The following SHROOM2 variants were observed in gnomAD, a reference collection of about 807,000 sequenced individuals.
The protein encoded by SHROOM2 is shroom family member 2.
Under a neutral mutation model 75.9 loss-of-function variants are expected in SHROOM2, and 33 were observed. That is an observed-to-expected ratio of 0.43 (90% confidence interval 0.33 to 0.58). The LOEUF (loss-of-function observed/expected upper bound fraction) is 0.58. SHROOM2 is among the 20% of genes least tolerant of loss of function. The pLI, the probability that SHROOM2 is intolerant of heterozygous loss-of-function variation, is 0.04. For missense variants in SHROOM2, 1,434 were observed against 1,461.2 expected (o/e 0.98, Z 0.30); for synonymous variants, 655 against 663.6 (o/e 0.99, Z 0.20).
At chrX:9,914,651 C>G (rs887693099) in intron 5 of SHROOM2, among the ~76,000 whole-genome samples, 1 of 111,368 alleles carries the variant, frequency 9.0e-6, no homozygotes, top group African/African-American at 3.3e-5. Flanking sequence ...ACATATTTGC[C>G]GACACCTTAT....
At chrX:9,804,949 TAGC>T (rs1470429653) in intron 1 of SHROOM2, among the ~76,000 whole-genome samples, 1 of 110,711 alleles carries the variant, frequency 9.0e-6, no homozygotes, top group African/African-American at 3.3e-5. Flanking sequence ...AGAATCCACA[TAGC>T]AGCCAGGCAC....
intron 5 of SHROOM2, among the ~76,000 whole-genome samples, chrX:9,910,697 A>G (rs2084418660): frequency 9.1e-6 from 1 of 110,205 alleles, no homozygotes; most frequent in South Asian, 3.9e-4. Context: ...TGCACCTGTA[A>G]TCTCAGCTAC....
At chrX:9,911,132 G>C (rs1473433899) in intron 5 of SHROOM2, among the ~76,000 whole-genome samples, 1 of 111,637 alleles carries the variant, frequency 9.0e-6, no homozygotes, top group Non-Finnish European at 1.9e-5. Context: ...AAAGTAATAC[G>C]TGAAGATGAA....
At chrX:9,868,727 C>CCTT (rs2084155078) in intron 1 of SHROOM2, among the ~76,000 whole-genome samples, 1 of 28,706 alleles carries the variant, frequency 3.5e-5, no homozygotes, top group African/African-American at 1.5e-4. Context: ...ATTTTTTACC[C>CCTT]TTTTTTTTTT....
At chrX:9,840,003 C>T (rs2083971334) in intron 1 of SHROOM2, among the ~76,000 whole-genome samples, 1 of 111,728 alleles carries the variant, frequency 9.0e-6, no homozygotes, top group Non-Finnish European at 1.9e-5. Flanking sequence ...ATCACTTTAT[C>T]ATGGATGGGA....
At chrX:9,894,248 G>A in intron 3 of SHROOM2, 110 bp from the exon 4 acceptor site, 1 of 732,180 alleles carries the variant, frequency 1.4e-6, no homozygotes, top group Non-Finnish European at 2.0e-6. Context: ...GGAAATTACT[G>A]TTTGGCATTT....
chrX:9,828,795 C>T (rs2083901231), intron 1 of SHROOM2, among the ~76,000 whole-genome samples: 1 of 111,566 alleles, frequency 9.0e-6, no homozygotes, highest in Non-Finnish European at 1.9e-5. Context: ...CTATCTGTCT[C>T]TTCATCCACA....
intron 5 of SHROOM2, among the ~76,000 whole-genome samples, chrX:9,908,090 A>G (rs2084401369): frequency 8.9e-6 from 1 of 112,866 alleles, no homozygotes; most frequent in Non-Finnish European, 1.9e-5. Flanking sequence ...ATCTTGCAAC[A>G]TGATATCCAT....
rs56344026 is a variant in SHROOM2 at position 9,927,356 on chromosome X, C to CAAA, written c.2892-4788_2892-4786dup. On this transcript the variant is annotated intron_variant, in intron 5 of 9. Transcript: ENST00000380913. ...AACAGCAAGACCCTATCTCTGTCTC[C>CAAA]AAAAAAAAAAAAAAAAAAAAAAAAA... Among the ~76,000 whole-genome samples the CAAA allele has an allele frequency of 2.5e-3, 60 of 24,398 alleles. 1 individual carries two copies. Among genetic ancestry groups the CAAA allele is most frequent in the South Asian group, 0.02 (2 of 102 alleles). The allele number at this position is 24,398 out of a possible 115,157, so 21.2% of individuals were successfully genotyped here. A position where few individuals can be genotyped will look rare whatever the true frequency, so the allele number is the denominator to read the frequency against.
intron 1 of SHROOM2, among the ~76,000 whole-genome samples, chrX:9,833,166 G>A (rs2083925007): frequency 8.9e-6 from 1 of 111,916 alleles, no homozygotes; most frequent in South Asian, 3.8e-4. Context: ...GCATCCCTGA[G>A]CCCCTTCACT....
intron 2 of SHROOM2, among the ~76,000 whole-genome samples, chrX:9,887,304 C>G (rs909930703): frequency 2.7e-5 from 3 of 111,928 alleles, no homozygotes; most frequent in African/African-American, 6.5e-5. Context: ...GTTCTGCAAA[C>G]TGAAGCTTTG....
chrX:9,865,723 G>T, intron 1 of SHROOM2, among the ~76,000 whole-genome samples: 1 of 109,079 alleles, frequency 9.2e-6, no homozygotes, highest in Non-Finnish European at 1.9e-5. Context: ...ACCACACCTG[G>T]ATAATTTTTT....
chrX:9,800,302 A>G (rs13440489), intron 1 of SHROOM2, among the ~76,000 whole-genome samples: 1,227 of 111,223 alleles, frequency 0.011, 26 homozygotes, highest in African/African-American at 0.039. Context: ...GGGACACCTT[A>G]GCTAGGTATA....
chrX:9,893,800 C>A (rs746233380), intron 3 of SHROOM2, among the ~76,000 whole-genome samples: 5 of 109,571 alleles, frequency 4.6e-5, no homozygotes, highest in Non-Finnish European at 9.5e-5. Context: ...AAAAATACAA[C>A]AAAATTAGCC....
chrX:9,792,738 T>A (rs951634779), intron 1 of SHROOM2, among the ~76,000 whole-genome samples: 4 of 109,442 alleles, frequency 3.7e-5, no homozygotes, highest in African/African-American at 1.3e-4. Context: ...TTTTTTTTTT[T>A]AAGACAGATT....
rs148073793 is a variant in SHROOM2, at chrX:9,838,995, A to G, written c.166-34657A>G. Reference sequence around the variant, plus strand: ...GGTGATGGAAAGGGACTAAGATTGGACCCTTTCCTTCCCTGTCGCACGTGG... The same window carrying G: ...GGTGATGGAAAGGGACTAAGATTGGGCCCTTTCCTTCCCTGTCGCACGTGG... On this transcript the variant is annotated intron_variant, in intron 1 of 9. Transcript: ENST00000380913. 5.9e-3 allele frequency among the ~76,000 whole-genome samples: 659 copies of G among 110,851 alleles called. 2 individuals carry two copies. The highest frequency in any genetic ancestry group is 0.021 in the African/African-American group (634 of 30,493).
At chrX:9,893,951 CA>C (rs560179883) in intron 3 of SHROOM2, among the ~76,000 whole-genome samples, 136 of 78,559 alleles carry the variant, frequency 1.7e-3, no homozygotes, top group South Asian at 7.8e-3. Context: ...GAGACTGTCT[CA>C]AAAAAAAAAA....
At chrX:9,928,946 A>G (rs1259282712) in intron 5 of SHROOM2, among the ~76,000 whole-genome samples, 2 of 112,714 alleles carry the variant, frequency 1.8e-5, no homozygotes. Context: ...TACACATACA[A>G]CATGCATCTA....
At chrX:9,845,536 T>C (rs2084001385) in intron 1 of SHROOM2, among the ~76,000 whole-genome samples, 1 of 110,423 alleles carries the variant, frequency 9.1e-6, no homozygotes, top group African/African-American at 3.3e-5. Context: ...CCCACCTTTT[T>C]GTTTTTTCTG....
Sources: allele counts gnomAD v4.1 joint callset (sites outside exome capture counted in the v4.1 genomes callset), GRCh38; gene constraint gnomAD v4.1.1; transcripts MANE v1.5; gene names NCBI Gene and HGNC (gene_info 2026-07-23, HGNC 2026-07-21).